Variants in CEACAM20 observed in about 807,000 individuals in gnomAD.
CEACAM20 encodes the protein CEA cell adhesion molecule 20, also known as cell adhesion molecule CEACAM20.
In CEACAM20, 50 loss-of-function variants were observed where a neutral mutation model predicts 61.2. The observed-to-expected ratio is 0.82, with a 90% CI of 0.65 to 1.03. The LOEUF (loss-of-function observed/expected upper bound fraction) is 1.03. Among genes scored for constraint, CEACAM20 ranks in the 50% least tolerant of loss-of-function variants. CEACAM20 has a pLI of 0.00. For synonymous variants in CEACAM20, 282 were observed against 287.7 expected (o/e 0.98, Z 0.20); for missense variants, 683 against 736.4 (o/e 0.93, Z 0.84).
Position 44,513,224 on chromosome 19 carries a change from TG to T in CEACAM20, c.1374del (p.Ile459LeufsTer49). On this transcript the variant is annotated frameshift_variant, in exon 7 of 12. Coordinates refer to ENST00000614924, the MANE Select transcript of CEACAM20 (RefSeq NM_001102597.3). LOFTEE classifies it high-confidence loss of function. The part of the protein sequence containing the change: ...IAGIVIGILA[V>X]IAVASELGYF... ...TAGCCCAGTTCTGAGGCCACAGCAA[TG>T]ACAGCCAGGATCCCGATGACAATAC... The T allele has an allele frequency of 6.2e-7, 1 of 1,613,758 alleles. No homozygotes were observed. The highest frequency in any genetic ancestry group is 8.5e-7 in the Non-Finnish European group (1 of 1,179,840).
intron 1 of CEACAM20, among the ~76,000 whole-genome samples, chr19:44,529,150 A>C (rs1971632855): frequency 6.6e-6 from 1 of 151,594 alleles, no homozygotes; most frequent in East Asian, 1.9e-4. Flanking sequence ...TTTTTAGTAG[A>C]GACGGGGGTT....
intron 3 of CEACAM20, 108 bp downstream of exon 3, chr19:44,523,878 A>G: frequency 8.1e-7 from 1 of 1,230,514 alleles, no homozygotes; most frequent in South Asian, 1.6e-5. Context: ...TCTGAAGTTC[A>G]AAGGTAGACA....
At chr19:44,510,900 T>C (rs1970975907) in intron 11 of CEACAM20, 130 bp downstream of exon 11, 13 of 1,040,588 alleles carry the variant, frequency 1.2e-5, no homozygotes, top group African/African-American at 1.6e-5. Context: ...ATGGATAGGA[T>C]GGAATTGAGA....
At chr19:44,523,730 T>C (rs1449842889) in intron 3 of CEACAM20, among the ~76,000 whole-genome samples, 1 of 152,166 alleles carries the variant, frequency 6.6e-6, no homozygotes, top group Admixed American at 6.5e-5. Flanking sequence ...TGGCATACTT[T>C]AGGCATGTCT....
At chr19:44,511,179 G>T (rs1325357522) in intron 10 of CEACAM20, 24 bp from the exon 11 acceptor site, 1 of 1,612,370 alleles carries the variant, frequency 6.2e-7, no homozygotes, top group Admixed American at 1.7e-5. Context: ...GAGAAATTAG[G>T]CAGGGCCCAC....
intron 5 of CEACAM20, among the ~76,000 whole-genome samples, chr19:44,517,696 CAA>C (rs1165418272): frequency 2.6e-4 from 17 of 65,972 alleles, no homozygotes; most frequent in East Asian, 3.7e-4. Context: ...GATTCCATCT[CAA>C]AAAAAAAAAA....
chr19:44,520,317 C>A (rs1019164878), intron 5 of CEACAM20, among the ~76,000 whole-genome samples, 157 bp downstream of exon 5: 33 of 152,332 alleles, frequency 2.2e-4, no homozygotes, highest in African/African-American at 7.7e-4. Flanking sequence ...GAACATAAGC[C>A]CCCTGAGGGC....
chr19:44,522,872 A>C lies in CEACAM20; in HGVS notation c.513T>G (p.Val171=). The part of the protein sequence containing the change: ...DPVEIKLESG[V]ASGEVVEVME... ...TCACCTCAACCACCTCCCCACTGGC[A>C]ACACCAGACTCCAATTTGATTTCAA... is the stretch of plus-strand genomic sequence containing the variant. The change falls in exon 4 of 12, where the codon GTT becomes GTG. Residue 171 remains valine, a synonymous_variant. Coordinates refer to ENST00000614924, the MANE Select transcript of CEACAM20 (RefSeq NM_001102597.3). 6.2e-7 allele frequency: 1 copy of C among 1,608,500 alleles called. No individual in the cohort carries two copies. The highest frequency in any genetic ancestry group is 8.5e-7 in the Non-Finnish European group (1 of 1,177,724).
chr19:44,512,533 T>C (rs896551505), intron 8 of CEACAM20, among the ~76,000 whole-genome samples: 7 of 152,214 alleles, frequency 4.6e-5, no homozygotes, highest in South Asian at 2.1e-4. Context: ...TACTGAGATA[T>C]GTTATGAGGC....
chr19:44,511,120 A>G lies in CEACAM20; in HGVS notation c.1647T>C (p.Ser549=). 6.2e-7 allele frequency: 1 copy of G among 1,614,028 alleles called. No individual in the cohort carries two copies. Among genetic ancestry groups the G allele is most frequent in the South Asian group, 1.1e-5 (1 of 91,086 alleles). The part of the protein sequence containing the change: ...KLPSASRRGN[S]FSPWKPPPKP... ...TGGGTGGTGGCTTCCAGGGGCTGAA[A>G]GAATTGCCTCTACGGCTTGCTGAAG... Residue 549 remains serine, a synonymous_variant, in exon 11 of 12, where the codon TCT becomes TCC. Transcript: ENST00000614924.
Position 44,522,782 on chromosome 19 carries a change from C to T in CEACAM20, c.603G>A (p.Trp201Ter). The stretch of plus-strand genomic sequence containing the variant: ...GAGACAGAATGGAGTCAAGGAGAAA[C>T]CAAGTATAGGCACAGGGTGGGTGAG... ...TKSHPPCAYTWFLLDSILSHT... is the reference protein window; with the variant it reads ...TKSHPPCAYT Residue 201 changes from tryptophan to a stop codon, truncating the protein, a stop_gained, in exon 4 of 12, where the codon TGG becomes TGA. Coordinates refer to ENST00000614924, the MANE Select transcript of CEACAM20 (RefSeq NM_001102597.3). LOFTEE classifies it high-confidence loss of function. The T allele has an allele frequency of 6.2e-7, 1 of 1,613,774 alleles. No homozygotes were observed. The highest frequency in any genetic ancestry group is 8.5e-7 in the Non-Finnish European group (1 of 1,179,858).
In CEACAM20 at chr19:44,522,809, C is replaced by T; in HGVS notation, c.576G>A (p.Lys192=). The change falls in exon 4 of 12, where the codon AAG becomes AAA. Residue 192 remains lysine, a synonymous_variant. Coordinates refer to ENST00000614924, the MANE Select transcript of CEACAM20 (RefSeq NM_001102597.3). ...GSSMTFLAET[K]SHPPCAYTWF... ...AAGTATAGGCACAGGGTGGGTGAGA[C>T]TTTGTTTCCGCTAAGAAGGTCATGC... 6.2e-7 allele frequency: 1 copy of T among 1,613,528 alleles called. No homozygotes were observed. The highest frequency in any genetic ancestry group is 8.5e-7 in the Non-Finnish European group (1 of 1,179,742).
At chr19:44,527,629 G>A (rs757206358) in intron 1 of CEACAM20, among the ~76,000 whole-genome samples, 2 of 151,946 alleles carry the variant, frequency 1.3e-5, no homozygotes, top group Admixed American at 6.6e-5. Flanking sequence ...GGGTCCTGCC[G>A]TTGTCCTACC....
chr19:44,524,413 C>T (rs975785068), intron 2 of CEACAM20, among the ~76,000 whole-genome samples, 152 bp from the exon 3 acceptor site: 1 of 152,172 alleles, frequency 6.6e-6, no homozygotes, highest in African/African-American at 2.4e-5. Context: ...GCTGGATCTA[C>T]TGCTCATTCT....
intron 4 of CEACAM20, among the ~76,000 whole-genome samples, chr19:44,522,355 G>A (rs1006597531): frequency 4.0e-5 from 6 of 151,896 alleles, no homozygotes; most frequent in African/African-American, 1.2e-4. Flanking sequence ...TGCCCACCTC[G>A]GCCTCCCAAA....
In CEACAM20 at chr19:44,520,527, A is replaced by C. The variant is rs2123608207; in HGVS notation, c.977T>G (p.Val326Gly). Residue 326 changes from valine to glycine, a missense_variant, in exon 5 of 12, where the codon GTC (valine) becomes GGC (glycine). By Grantham distance (109) the Val-to-Gly change is moderately radical. Transcript: ENST00000614924. ...RNDTGPYACE[V>G]WNWGSRARSE... ...CCGGGCCCGGCTGCCCCAGTTCCAG[A>C]CCTCACAGGCATAGGGCCCGGTGTC... The C allele has an allele frequency of 6.2e-7, 1 of 1,613,932 alleles. No homozygotes were observed. The highest frequency in any genetic ancestry group is 8.5e-7 in the Non-Finnish European group (1 of 1,179,890).
At chr19:44,521,083 A>G (rs1280410489) in intron 4 of CEACAM20, among the ~76,000 whole-genome samples, 5 of 149,496 alleles carry the variant, frequency 3.3e-5, no homozygotes, top group African/African-American at 1.2e-4. Flanking sequence ...TGCACTTTGT[A>G]TGTGAGTATA....
rs1280794279 is a variant in CEACAM20, at chr19:44,513,666, C to A, written c.1310-377G>T. 2.6e-5 allele frequency among the ~76,000 whole-genome samples: 4 copies of A among 151,656 alleles called. No homozygotes were observed. The East Asian group carries it at 5.8e-4, about 22-fold the overall frequency. On this transcript the variant is annotated intron_variant, in intron 6 of 11. Transcript: ENST00000614924. ...ATGTTGGCCAGGCTGGTCTGGACCTCCTGACCTCAAGTGATCCGCCCACCT... is the reference window on the plus strand; with the variant it reads ...ATGTTGGCCAGGCTGGTCTGGACCTACTGACCTCAAGTGATCCGCCCACCT...
intron 6 of CEACAM20, among the ~76,000 whole-genome samples, chr19:44,515,040 G>A (rs985934919): frequency 2.6e-4 from 39 of 152,024 alleles, no homozygotes; most frequent in African/African-American, 9.2e-4. Flanking sequence ...GTTTCACCAT[G>A]TTGCCCCGGC....
Sources: allele counts gnomAD v4.1 joint callset (sites outside exome capture counted in the v4.1 genomes callset), GRCh38; gene constraint gnomAD v4.1.1; transcripts MANE v1.5; gene names NCBI Gene and HGNC (gene_info 2026-07-23, HGNC 2026-07-21).